The following RNF144B variants were observed in gnomAD, a reference collection of about 807,000 sequenced individuals.
RNF144B encodes the protein ring finger protein 144B, also known as E3 ubiquitin-protein ligase RNF144B.
In RNF144B, 25 loss-of-function variants were observed where a neutral mutation model predicts 40.2. The ratio of observed to expected loss-of-function variants is 0.62; its 90% CI spans 0.45 to 0.87. The LOEUF (loss-of-function observed/expected upper bound fraction) is 0.87. RNF144B is among the 40% of genes least tolerant of loss of function. The pLI is 0.00. For synonymous variants in RNF144B, 145 were observed against 136.3 expected (o/e 1.06, Z -0.44); for missense variants, 365 against 373.7 (o/e 0.98, Z 0.19).
chr6:18,437,403 A>C (rs1293627029), intron 3 of RNF144B, among the ~76,000 whole-genome samples: 1 of 152,082 alleles, frequency 6.6e-6, no homozygotes, highest in East Asian at 1.9e-4. Context: ...GTACCACTGC[A>C]CTCCAGCCTG....
chr6:18,463,484 C>T, intron 7 of RNF144B, 104 bp downstream of exon 7: 1 of 726,518 alleles, frequency 1.4e-6, no homozygotes, highest in Non-Finnish European at 2.4e-6. Flanking sequence ...AGGTACCATC[C>T]CAGCCTGGGA....
At chr6:18,433,893 T>C (rs1208515949) in intron 3 of RNF144B, among the ~76,000 whole-genome samples, 1 of 152,198 alleles carries the variant, frequency 6.6e-6, no homozygotes, top group African/African-American at 2.4e-5. Flanking sequence ...TTAGTTCCTA[T>C]GTTAATGTGA....
At chr6:18,396,856 A>G (rs963474482) in intron 1 of RNF144B, 1 of 982,622 alleles carries the variant, frequency 1.0e-6, no homozygotes, top group African/African-American at 1.7e-5. Flanking sequence ...TATGTTTATC[A>G]TAAAGAGAGA....
intron 2 of RNF144B, among the ~76,000 whole-genome samples, chr6:18,417,375 C>G (rs190246185): frequency 1.4e-3 from 216 of 152,052 alleles, no homozygotes; most frequent in Admixed American, 3.3e-3. Flanking sequence ...TGAGGATGGA[C>G]AGATAGATCA....
chr6:18,455,517 G>A lies in RNF144B; in HGVS notation c.332-1638G>A, dbSNP rs1759304663. On this transcript the variant is annotated intron_variant, in intron 4 of 7. Transcript: ENST00000259939. ...TTATTTTCTTTTTGCACCATCCTTT[G>A]GATTTGTTTGCCTCCTGTGTGTACA... Among the ~76,000 whole-genome samples the A allele has an allele frequency of 2.0e-5, 3 of 152,050 alleles. No individual in the cohort carries two copies. The South Asian group carries it at 6.2e-4, about 32-fold the overall frequency.
rs1048307274 is a variant in RNF144B, at chr6:18,400,979, T to G, written c.165+1280T>G. Among the ~76,000 whole-genome samples, 2 of 152,162 alleles carry G rather than the reference T, an allele frequency of 1.3e-5. No individual in the cohort carries two copies. Among genetic ancestry groups the G allele is most frequent in the African/African-American group, 4.8e-5 (2 of 41,436 alleles). On this transcript the variant is annotated intron_variant, in intron 2 of 7. Coordinates refer to ENST00000259939, the MANE Select transcript of RNF144B (RefSeq NM_182757.4). This position sits in a 1 kb window ranked among gnomAD's most constrained non-coding sequence, Gnocchi z 5.6. ...CATCTCAGAGCAACTTCAGTTTCCT[T>G]TGGTCTTGCTTTGTTTCTGAAGGCT...
intron 3 of RNF144B, among the ~76,000 whole-genome samples, chr6:18,430,175 A>G (rs1391523883): frequency 6.6e-6 from 1 of 152,254 alleles, no homozygotes; most frequent in Non-Finnish European, 1.5e-5. Flanking sequence ...ACTGATTTAA[A>G]TGAAATTAAA....
rs770548170 is a variant in RNF144B at position 18,447,440 on chromosome 6, T to G, written c.331+7696T>G. On this transcript the variant is annotated intron_variant, in intron 4 of 7. Transcript: ENST00000259939. The surrounding 1 kb of genome is among the most constrained non-coding windows in gnomAD (Gnocchi z 5.6). Reference sequence around the variant, plus strand: ...GATCCCATAGATTATGAAGATGAAGTCTTAGTGGGATGAGAAGCCATTGGA... The same window carrying G: ...GATCCCATAGATTATGAAGATGAAGGCTTAGTGGGATGAGAAGCCATTGGA... Among the ~76,000 whole-genome samples the G allele has an allele frequency of 1.3e-5, 2 of 151,734 alleles. No individual in the cohort carries two copies. The highest frequency in any genetic ancestry group is 2.9e-5 in the Non-Finnish European group (2 of 67,916).
In RNF144B at chr6:18,442,466, A is replaced by G. The variant is rs554949938; in HGVS notation, c.331+2722A>G. On this transcript the variant is annotated intron_variant, in intron 4 of 7. Coordinates refer to ENST00000259939, the MANE Select transcript of RNF144B (RefSeq NM_182757.4). The surrounding 1 kb of genome is among the most constrained non-coding windows in gnomAD (Gnocchi z 4.3). The stretch of plus-strand genomic sequence containing the variant: ...GAAACTGAAAACAGGACAGATTGAG[A>G]CTTGCCTAGGACCACATAGACTGTG... Among the ~76,000 whole-genome samples, 7 of 152,328 alleles carry G rather than the reference A, an allele frequency of 4.6e-5. No homozygotes were observed. The highest frequency in any genetic ancestry group is 1.4e-4 in the African/African-American group (6 of 41,562).
intron 2 of RNF144B, 24 bp downstream of exon 2, chr6:18,399,723 C>T: frequency 1.3e-6 from 2 of 1,574,882 alleles, no homozygotes; most frequent in South Asian, 1.1e-5. Context: ...GATGCTTTCA[C>T]TATGAGAAAA....
intron 3 of RNF144B, among the ~76,000 whole-genome samples, chr6:18,430,022 C>T (rs1198869590): frequency 6.6e-6 from 1 of 152,186 alleles, no homozygotes; most frequent in Non-Finnish European, 1.5e-5. Flanking sequence ...TTAGTGAATT[C>T]ATGCACATAA....
rs994563867 is a variant in RNF144B at position 18,406,937 on chromosome 6, G to A, written c.165+7238G>A. ...TCATGGTGGAAGGGGAAGCAGCCAC[G>A]TCTTACATAGTAGCAGGCGAGAAAG... On this transcript the variant is annotated intron_variant, in intron 2 of 7. Coordinates refer to ENST00000259939, the MANE Select transcript of RNF144B (RefSeq NM_182757.4). This position sits in a 1 kb window ranked among gnomAD's most constrained non-coding sequence, Gnocchi z 4.2. Among the ~76,000 whole-genome samples the A allele has an allele frequency of 9.2e-5, 14 of 152,262 alleles. No individual in the cohort carries two copies. Among genetic ancestry groups the A allele is most frequent in the Admixed American group, 2.0e-4 (3 of 15,298 alleles).
chr6:18,463,149 T>C, intron 6 of RNF144B, 142 bp from the exon 7 acceptor site: 1 of 599,782 alleles, frequency 1.7e-6, no homozygotes, highest in Non-Finnish European at 3.0e-6. Context: ...AAGATAAAGA[T>C]TACAGGCTTG....
In RNF144B at chr6:18,406,226, G is replaced by T. The variant is rs1215753253; in HGVS notation, c.165+6527G>T. On this transcript the variant is annotated intron_variant, in intron 2 of 7. Transcript: ENST00000259939. The surrounding 1 kb of genome is among the most constrained non-coding windows in gnomAD (Gnocchi z 4.2). ...GGTTTGTGCTATGGAAAAATAGGGT[G>T]AGGGGGGTCAGGAGTGCTGTGGGGA... The T allele has an allele frequency of 2.6e-5, 13 of 509,108 alleles. No homozygotes were observed. The Middle Eastern group carries it at 3.4e-3, about 132-fold the overall frequency. 31.5% of individuals were successfully genotyped at this position (509,108 alleles called of 1,614,324 possible).
In RNF144B at chr6:18,395,480, G is replaced by C. The variant is rs1388379354; in HGVS notation, c.-36-4019G>C. On this transcript the variant is annotated intron_variant, in intron 1 of 7. Transcript: ENST00000259939. This position sits in a 1 kb window ranked among gnomAD's most constrained non-coding sequence, Gnocchi z 4.5. ...AGCCATTCACAGGCATCTCAGGTGT[G>C]GGGAAATTCATTAGAGGCTTTCAGG... Among the ~76,000 whole-genome samples the C allele has an allele frequency of 6.6e-6, 1 of 152,162 alleles. No homozygotes were observed. The highest frequency in any genetic ancestry group is 6.5e-5 in the Admixed American group (1 of 15,282).
chr6:18,431,129 C>T (rs904270085), intron 3 of RNF144B, among the ~76,000 whole-genome samples: 2 of 151,854 alleles, frequency 1.3e-5, no homozygotes, highest in South Asian at 2.1e-4. Flanking sequence ...GTAATCCCAG[C>T]AGGGCTTACA....
Position 18,412,380 on chromosome 6 carries a change from C to A in RNF144B, c.165+12681C>A, listed in dbSNP as rs1009853932. On this transcript the variant is annotated intron_variant, in intron 2 of 7. Coordinates refer to ENST00000259939, the MANE Select transcript of RNF144B (RefSeq NM_182757.4). The surrounding 1 kb of genome is among the most constrained non-coding windows in gnomAD (Gnocchi z 4.2). ...AGAGAAGCTCATCTCATGAATCTAT[C>A]TTTAAAAAACATACAGTATGCTCAG... is the stretch of plus-strand genomic sequence containing the variant. Among the ~76,000 whole-genome samples the A allele has an allele frequency of 1.3e-5, 2 of 152,120 alleles. No individual in the cohort carries two copies. The highest frequency in any genetic ancestry group is 6.5e-5 in the Admixed American group (1 of 15,270).
In RNF144B at chr6:18,412,056, T is replaced by A. The variant is rs1795057294; in HGVS notation, c.165+12357T>A. Among the ~76,000 whole-genome samples the A allele has an allele frequency of 6.6e-6, 1 of 152,214 alleles. No homozygotes were observed. The highest frequency in any genetic ancestry group is 2.4e-5 in the African/African-American group (1 of 41,460). ...AGGTTGTTTCTAGTTTTTGCTATTA[T>A]GAATACATTTTTTTTACTTATATAA... On this transcript the variant is annotated intron_variant, in intron 2 of 7. Transcript: ENST00000259939. The surrounding 1 kb of genome is among the most constrained non-coding windows in gnomAD (Gnocchi z 4.2).
In RNF144B at chr6:18,395,918, A is replaced by G. The variant is rs1162847100; in HGVS notation, c.-36-3581A>G. On this transcript the variant is annotated intron_variant, in intron 1 of 7. Coordinates refer to ENST00000259939, the MANE Select transcript of RNF144B (RefSeq NM_182757.4). This position sits in a 1 kb window ranked among gnomAD's most constrained non-coding sequence, Gnocchi z 4.5. ...GTTATTGTACACAGAAAAATAAATC[A>G]CTTTTTGAAGAATCATTTTGGATTG... Among the ~76,000 whole-genome samples, 2 of 152,228 alleles carry G rather than the reference A, an allele frequency of 1.3e-5. No individual in the cohort carries two copies. Among genetic ancestry groups the G allele is most frequent in the Non-Finnish European group, 2.9e-5 (2 of 68,038 alleles).
Sources: gnomAD v4.1 joint callset for allele counts (sites outside exome capture counted in the v4.1 genomes callset) on GRCh38, gnomAD v4.1.1 for gene constraint, Gnocchi (gnomAD v3.1) non-coding constraint, MANE v1.5 for transcripts, NCBI Gene and HGNC (gene_info 2026-07-23, HGNC 2026-07-21) for gene names.